The following PGBD5 variants were observed in gnomAD, a reference collection of about 807,000 sequenced individuals.
PGBD5 encodes piggyBac transposable element derived 5, also known as piggyBac transposable element-derived protein 5.
Under a neutral mutation model 47.9 loss-of-function variants are expected in PGBD5, and 14 were observed. The observed-to-expected ratio is 0.29, with a 90% CI of 0.19 to 0.46. The LOEUF is 0.46. Among genes scored for constraint, PGBD5 ranks in the 20% least tolerant of loss-of-function variants. The pLI, the probability that PGBD5 is intolerant of heterozygous loss-of-function variation, is 1.00. For missense variants in PGBD5, 635 were observed against 716.0 expected (o/e 0.89, Z 1.29); for synonymous variants, 316 against 306.3 (o/e 1.03, Z -0.33).
At chr1:230,386,487 G>A (rs1238421226) in intron 1 of PGBD5, among the ~76,000 whole-genome samples, 1 of 152,148 alleles carries the variant, frequency 6.6e-6, no homozygotes, top group East Asian at 1.9e-4. Flanking sequence ...TCTTAAGAGC[G>A]TTTGATGGAA....
intron 1 of PGBD5, among the ~76,000 whole-genome samples, chr1:230,408,983 G>T (rs535596501): frequency 2.6e-5 from 4 of 152,154 alleles, no homozygotes; most frequent in Non-Finnish European, 5.9e-5. Flanking sequence ...GGAATATTCG[G>T]AATATATAAA....
chr1:230,417,031 A>G (rs1374371501), intron 1 of PGBD5, among the ~76,000 whole-genome samples: 1 of 152,198 alleles, frequency 6.6e-6, no homozygotes, highest in African/African-American at 2.4e-5. Flanking sequence ...CTTTTTCATG[A>G]AAGTAACTTC....
At chr1:230,396,255 C>T (rs796445245) in intron 1 of PGBD5, among the ~76,000 whole-genome samples, 661 of 9,496 alleles carry the variant, frequency 0.07, 54 homozygotes, top group Non-Finnish European at 0.089. Context: ...CCTTTTACCC[C>T]CACACTCCTC....
intron 1 of PGBD5, among the ~76,000 whole-genome samples, chr1:230,383,294 G>A (rs1205298039): frequency 6.6e-6 from 1 of 151,662 alleles, no homozygotes; most frequent in East Asian, 1.9e-4. Context: ...GGCTGGTCTC[G>A]AACTACCGAG....
chr1:230,381,152 G>C (rs926393311), intron 1 of PGBD5, among the ~76,000 whole-genome samples: 1 of 152,218 alleles, frequency 6.6e-6, no homozygotes, highest in Admixed American at 6.5e-5. Flanking sequence ...GAAACTGAAA[G>C]CCAAACAAGG....
At chr1:230,365,518 C>T (rs985697105) in intron 1 of PGBD5, among the ~76,000 whole-genome samples, 2 of 152,180 alleles carry the variant, frequency 1.3e-5, no homozygotes, top group African/African-American at 2.4e-5. Flanking sequence ...ACTCTCAACA[C>T]GACACGTGAG....
intron 1 of PGBD5, among the ~76,000 whole-genome samples, chr1:230,398,129 C>G (rs1257394815): frequency 6.6e-6 from 1 of 152,192 alleles, no homozygotes; most frequent in Non-Finnish European, 1.5e-5. Flanking sequence ...TCCATCTGAA[C>G]CCCCAGAATC....
intron 2 of PGBD5, among the ~76,000 whole-genome samples, chr1:230,355,703 A>T (rs1667628998): frequency 6.6e-6 from 1 of 152,344 alleles, no homozygotes; most frequent in East Asian, 1.9e-4. Context: ...TTCAGATAAC[A>T]GGGAATCCAC....
Position 230,323,826 on chromosome 1 carries a change from C to G in PGBD5, c.1380-206G>C, listed in dbSNP as rs1196909938. ...TGTCACAGTGAACTTCATTTAAGACCAAGGAAATGAAAACAACAAGGTTGC... is the reference window on the plus strand; with the variant it reads ...TGTCACAGTGAACTTCATTTAAGACGAAGGAAATGAAAACAACAAGGTTGC... On this transcript the variant is annotated intron_variant, in intron 6 of 6. Coordinates refer to ENST00000391860, the MANE Select transcript of PGBD5 (RefSeq NM_001258311.2). The surrounding 1 kb of genome is among the most constrained non-coding windows in gnomAD (Gnocchi z 4.1). Among the ~76,000 whole-genome samples, 3 of 152,146 alleles carry G rather than the reference C, an allele frequency of 2.0e-5. No individual in the cohort carries two copies. Among genetic ancestry groups the G allele is most frequent in the Non-Finnish European group, 4.4e-5 (3 of 68,022 alleles).
chr1:230,364,376 G>A (rs1307395320), intron 1 of PGBD5, among the ~76,000 whole-genome samples: 1 of 152,230 alleles, frequency 6.6e-6, no homozygotes, highest in African/African-American at 2.4e-5. Flanking sequence ...GTTCAGATTA[G>A]TGTTAACCTC....
intron 1 of PGBD5, among the ~76,000 whole-genome samples, chr1:230,412,251 T>C (rs1657424658): frequency 6.6e-6 from 1 of 152,214 alleles, no homozygotes; most frequent in Non-Finnish European, 1.5e-5. Context: ...CCCAACCCAG[T>C]TGAAAATCTA....
At position 230,318,558 on chromosome 1, in the gene PGBD5, CT is replaced by C. The variant is rs1666983826; in HGVS notation, c.*4866del. ...CTACCTTGTGAACTTCTGGGGACTT[CT>C]TTCGTTTGGAACTCCCACTACACAA... is the stretch of plus-strand genomic sequence containing the variant. On this transcript the variant is annotated 3_prime_UTR_variant, in exon 7 of 7. Transcript: ENST00000391860. 6.6e-6 allele frequency: 1 copy of C among 152,250 alleles called. No homozygotes were observed. The highest frequency in any genetic ancestry group is 2.4e-5 in the African/African-American group (1 of 41,460). 9.4% of individuals were successfully genotyped at this position (152,250 alleles called of 1,614,324 possible). A position where few individuals can be genotyped will look rare whatever the true frequency, so the allele number is the denominator to read the frequency against.
chr1:230,422,588 A>T (rs1292736606), intron 1 of PGBD5, among the ~76,000 whole-genome samples: 1 of 152,174 alleles, frequency 6.6e-6, no homozygotes, highest in Non-Finnish European at 1.5e-5. Context: ...TGTGCATTTA[A>T]GTCATCCCGA....
At chr1:230,402,228 G>A (rs577540831) in intron 1 of PGBD5, among the ~76,000 whole-genome samples, 10 of 152,280 alleles carry the variant, frequency 6.6e-5, no homozygotes, top group East Asian at 5.8e-4. Context: ...ACTGACATCC[G>A]TGTTCACACA....
intron 1 of PGBD5, among the ~76,000 whole-genome samples, chr1:230,387,164 CACTT>C (rs1258272209): frequency 6.6e-5 from 10 of 152,238 alleles, no homozygotes; most frequent in African/African-American, 2.4e-4. Context: ...TGTGGAGTGT[CACTT>C]ACATAAAATT....
At chr1:230,398,575 G>A (rs535628914) in intron 1 of PGBD5, among the ~76,000 whole-genome samples, 1 of 152,320 alleles carries the variant, frequency 6.6e-6, no homozygotes, top group African/African-American at 2.4e-5. Flanking sequence ...CATGACAGAT[G>A]GGAGGTGCTG....
chr1:230,421,923 G>C (rs1657657982), intron 1 of PGBD5, among the ~76,000 whole-genome samples: 1 of 152,126 alleles, frequency 6.6e-6, no homozygotes, highest in Admixed American at 6.5e-5. Flanking sequence ...CTGGTTTTGA[G>C]AGAAAGATTT....
At chr1:230,324,303 C>T (rs1388024037) in intron 6 of PGBD5, among the ~76,000 whole-genome samples, 1 of 152,252 alleles carries the variant, frequency 6.6e-6, no homozygotes, top group Non-Finnish European at 1.5e-5. Flanking sequence ...CGACAGACAT[C>T]TACCCCACAA....
chr1:230,381,859 C>A (rs986172259), intron 1 of PGBD5, among the ~76,000 whole-genome samples: 11 of 152,054 alleles, frequency 7.2e-5, no homozygotes, highest in Non-Finnish European at 2.9e-5. Context: ...GCATGCTGTG[C>A]CCTCGGGCTA....
Sources: allele counts gnomAD v4.1 joint callset (sites outside exome capture counted in the v4.1 genomes callset), GRCh38; gene constraint gnomAD v4.1.1; non-coding constraint Gnocchi (gnomAD v3.1); transcripts MANE v1.5; gene names NCBI Gene and HGNC (gene_info 2026-07-23, HGNC 2026-07-21).